The following ZNF704 variants were observed in gnomAD, a reference collection of about 807,000 sequenced individuals.
ZNF704 encodes glucocorticoid induced gene 1.
A neutral mutation model predicts 44.7 loss-of-function variants in ZNF704; 10 were observed. The observed-to-expected ratio is 0.22, with a 90% CI of 0.14 to 0.38. The LOEUF (loss-of-function observed/expected upper bound fraction) is 0.38, where lower values mean the gene tolerates loss of function less well. Among genes scored for constraint, ZNF704 ranks in the 10% least tolerant of loss-of-function variants. The probability of loss-of-function intolerance (pLI) is 1.00; values close to 1 mark genes in which losing one functional copy is unlikely to be tolerated. For missense variants in ZNF704, 390 were observed against 545.5 expected, an observed-to-expected ratio of 0.71 and a Z score of 2.84; for synonymous variants, 211 against 207.6, an observed-to-expected ratio of 1.02 and a Z score of -0.14.
chr8:80,698,613 G>C (rs1818761457), intron 2 of ZNF704, among the ~76,000 whole-genome samples: 1 of 152,204 alleles, frequency 6.6e-6, no homozygotes, highest in African/African-American at 2.4e-5. Flanking sequence ...CATTTTGGCT[G>C]CCGTGTGGAA....
chr8:80,696,494 T>C (rs906725868), intron 2 of ZNF704, among the ~76,000 whole-genome samples: 1 of 152,220 alleles, frequency 6.6e-6, no homozygotes, highest in Non-Finnish European at 1.5e-5. Context: ...CTTGCCTCAC[T>C]GCAACCTCCA....
At chr8:80,841,531 C>T (rs1191350337) in intron 1 of ZNF704, among the ~76,000 whole-genome samples, 3 of 152,158 alleles carry the variant, frequency 2.0e-5, no homozygotes, top group African/African-American at 7.2e-5. Context: ...CACTTTCACT[C>T]TTAACTTGTA....
At chr8:80,729,749 T>C (rs1407335828) in intron 2 of ZNF704, among the ~76,000 whole-genome samples, 1 of 152,182 alleles carries the variant, frequency 6.6e-6, no homozygotes, top group Non-Finnish European at 1.5e-5. Flanking sequence ...GTAGTGCTGA[T>C]CAGAAACATA....
At chr8:80,736,426 C>T (rs112362062) in intron 2 of ZNF704, among the ~76,000 whole-genome samples, 7,233 of 152,190 alleles carry the variant, frequency 0.048, 238 homozygotes, top group Middle Eastern at 0.11. Context: ...ATTACAGGCA[C>T]GCGCCACCAC....
chr8:80,867,958 A>G (rs1375877154), intron 1 of ZNF704, among the ~76,000 whole-genome samples: 1 of 152,200 alleles, frequency 6.6e-6, no homozygotes, highest in Non-Finnish European at 1.5e-5. Flanking sequence ...AGCTTTTCAT[A>G]AGTCTATTAC....
chr8:80,667,892 T>C (rs1435894034), intron 5 of ZNF704, among the ~76,000 whole-genome samples: 1 of 152,182 alleles, frequency 6.6e-6, no homozygotes, highest in Non-Finnish European at 1.5e-5. Flanking sequence ...AGTACCAGAT[T>C]TTGTGATGAT....
At chr8:80,858,274 T>C (rs1427566356) in intron 1 of ZNF704, among the ~76,000 whole-genome samples, 1 of 152,248 alleles carries the variant, frequency 6.6e-6, no homozygotes, top group African/African-American at 2.4e-5. Context: ...CTCTTCTTTT[T>C]CTAACACCTT....
intron 1 of ZNF704, among the ~76,000 whole-genome samples, chr8:80,856,086 T>C (rs1808955930): frequency 6.6e-6 from 1 of 152,158 alleles, no homozygotes; most frequent in Non-Finnish European, 1.5e-5. Flanking sequence ...GCCTGTTGAG[T>C]AGCTGGGACT....
At chr8:80,702,561 C>T (rs545240787) in intron 2 of ZNF704, among the ~76,000 whole-genome samples, 1 of 151,868 alleles carries the variant, frequency 6.6e-6, no homozygotes, top group Non-Finnish European at 1.5e-5. Context: ...GGAGAGAGAG[C>T]CATAGGTTCT....
chr8:80,791,083 T>C (rs1375586179), intron 2 of ZNF704, among the ~76,000 whole-genome samples: 1 of 152,146 alleles, frequency 6.6e-6, no homozygotes, highest in African/African-American at 2.4e-5. Context: ...GTGGAGCTGG[T>C]TCAGTAAATG....
At chr8:80,877,724 C>T (rs1809375852), upstream of ZNF704, among the ~76,000 whole-genome samples, 2 of 152,144 alleles carry the variant, frequency 1.3e-5, no homozygotes, top group African/African-American at 4.8e-5. Context: ...TGACAAGTGC[C>T]AGGTCTTGTT....
chr8:80,783,749 C>T (rs980065605), intron 2 of ZNF704, among the ~76,000 whole-genome samples: 2 of 152,074 alleles, frequency 1.3e-5, no homozygotes, highest in Admixed American at 6.6e-5. Flanking sequence ...CATTATCACC[C>T]AAAGATCACA....
chr8:80,731,018 G>T (rs1432312689), intron 2 of ZNF704, among the ~76,000 whole-genome samples: 1 of 152,130 alleles, frequency 6.6e-6, no homozygotes, highest in African/African-American at 2.4e-5. Flanking sequence ...GGAACCACCC[G>T]TCTAAGAGAT....
chr8:80,724,370 T>C (rs1468750925), intron 2 of ZNF704, among the ~76,000 whole-genome samples: 1 of 152,222 alleles, frequency 6.6e-6, no homozygotes, highest in African/African-American at 2.4e-5. Flanking sequence ...TAACTCAAAG[T>C]TTCTTCTTTA....
chr8:80,838,265 A>G (rs923710939), intron 1 of ZNF704, among the ~76,000 whole-genome samples: 1 of 152,226 alleles, frequency 6.6e-6, no homozygotes, highest in Non-Finnish European at 1.5e-5. Flanking sequence ...ACTAAACCAC[A>G]CATTTCAAAA....
intron 2 of ZNF704, among the ~76,000 whole-genome samples, chr8:80,746,669 A>T (rs1039450617): frequency 1.3e-5 from 2 of 152,172 alleles, no homozygotes; most frequent in East Asian, 3.9e-4. Flanking sequence ...TACAAGTCCA[A>T]TGGGGGCAGC....
intron 6 of ZNF704, among the ~76,000 whole-genome samples, chr8:80,663,230 A>C (rs1818129245): frequency 6.6e-6 from 1 of 151,938 alleles, no homozygotes. Context: ...AAATTTAAAA[A>C]ATTAGCTGGA....
chr8:80,807,779 A>G (rs979996998), intron 2 of ZNF704, among the ~76,000 whole-genome samples: 1 of 152,228 alleles, frequency 6.6e-6, no homozygotes, highest in African/African-American at 2.4e-5. Context: ...TGCAGTTATA[A>G]AAGTATTAAC....
At chr8:80,880,741 CCAAAAGGTGATATATGATCA>C in the ZNF704 span, among the ~76,000 whole-genome samples, 1 of 152,000 alleles carries the variant, frequency 6.6e-6, no homozygotes, top group African/African-American at 2.4e-5. Context: ...AGGGCCATAG[CCAAAAGGTGATATATGATCA>C]CAAAAAACTT....
Sources: allele counts gnomAD v4.1 joint callset (sites outside exome capture counted in the v4.1 genomes callset), GRCh38; gene constraint gnomAD v4.1.1; transcripts MANE v1.5; gene names NCBI Gene and HGNC (gene_info 2026-07-23, HGNC 2026-07-21).